TRHDE: variants seen among roughly 807,000 people sequenced by gnomAD.
TRHDE encodes the protein thyrotropin-releasing hormone-degrading ectoenzyme.
In TRHDE, 72 loss-of-function variants were observed where a neutral mutation model predicts 125.7. The ratio of observed to expected loss-of-function variants is 0.57; its 90% CI spans 0.47 to 0.70. TRHDE has a LOEUF of 0.70. Ranked by LOEUF, TRHDE falls within the 30% of genes least tolerant of loss-of-function variation. TRHDE has a pLI of 0.00. For synonymous variants in TRHDE, 509 were observed against 509.1 expected, an observed-to-expected ratio of 1.00 and a Z score of 0.00; for missense variants, 1,110 against 1,327.1, an observed-to-expected ratio of 0.84 and a Z score of 2.54.
chr12:72,405,942 C>G (rs1213708898), intron 3 of TRHDE, among the ~76,000 whole-genome samples: 1 of 152,144 alleles, frequency 6.6e-6, no homozygotes, highest in Non-Finnish European at 1.5e-5. Context: ...ACAGCATTAT[C>G]TCTGTCTCAT....
At chr12:72,316,561 G>T (rs1017929798) in intron 2 of TRHDE, among the ~76,000 whole-genome samples, 3 of 152,042 alleles carry the variant, frequency 2.0e-5, no homozygotes, top group Admixed American at 6.6e-5. Context: ...ACCTCATTCC[G>T]AAAGGAAAGT....
chr12:72,130,381 A>G (rs574387532), intron 2 of TRHDE, among the ~76,000 whole-genome samples: 1 of 152,338 alleles, frequency 6.6e-6, no homozygotes, highest in African/African-American at 2.4e-5. Flanking sequence ...TTGCCATATT[A>G]GATATGAAGA....
chr12:72,617,312 T>C (rs1177888423), intron 12 of TRHDE, among the ~76,000 whole-genome samples: 1 of 152,094 alleles, frequency 6.6e-6, no homozygotes, highest in African/African-American at 2.4e-5. Flanking sequence ...TTGTTTTAAT[T>C]AAAAGAAAAC....
At chr12:72,181,773 G>T (rs980081018) in intron 2 of TRHDE, among the ~76,000 whole-genome samples, 11 of 152,028 alleles carry the variant, frequency 7.2e-5, no homozygotes, top group African/African-American at 2.7e-4. Context: ...TAGCTGCTCT[G>T]CTTGCTATTG....
At chr12:72,603,746 A>G (rs1339252552) in intron 12 of TRHDE, among the ~76,000 whole-genome samples, 1 of 147,526 alleles carries the variant, frequency 6.8e-6, no homozygotes, top group African/African-American at 2.5e-5. Context: ...CAAAAAACAA[A>G]ACAAAACAAC....
rs560673610 is a variant in TRHDE at position 72,242,578 on chromosome 12, T to C, written n.280-135417T>C. Among the ~76,000 whole-genome samples the C allele has an allele frequency of 2.6e-5, 4 of 152,274 alleles. No individual in the cohort carries two copies. The East Asian group carries it at 7.7e-4, about 29-fold the overall frequency. On this transcript the variant is annotated intron_variant and non_coding_transcript_variant, in intron 2 of 4. Coordinates refer to the TRHDE transcript ENST00000548156. ...TGTTGCTGCCAGTAGACTCTCCTGC[T>C]TCTTGAGCGGGAAGTAGTGGGCTGC...
At chr12:72,614,032 G>T (rs899837728) in intron 12 of TRHDE, among the ~76,000 whole-genome samples, 1 of 151,968 alleles carries the variant, frequency 6.6e-6, no homozygotes, top group Admixed American at 6.6e-5. Flanking sequence ...GAGCAAGAGA[G>T]AGTGAGTCAG....
At chr12:72,290,151 A>G (rs140353373) in intron 2 of TRHDE, among the ~76,000 whole-genome samples, 2 of 152,344 alleles carry the variant, frequency 1.3e-5, no homozygotes, top group East Asian at 1.9e-4. Context: ...TGGAGGAGAT[A>G]GGATTCAGTA....
In TRHDE at chr12:72,158,498, A is replaced by C. The variant is rs562645469; in HGVS notation, n.279+52746A>C. On this transcript the variant is annotated intron_variant and non_coding_transcript_variant, in intron 2 of 4. Coordinates refer to the TRHDE transcript ENST00000548156. ...ATTCTCACCTTTTTATTGATTTATT[A>C]GTATTATTTTTATATTAGAAACAAT... Among the ~76,000 whole-genome samples the C allele has an allele frequency of 3.9e-5, 6 of 151,928 alleles. No homozygotes were observed. The South Asian group carries it at 1.0e-3, about 26-fold the overall frequency.
At chr12:72,643,159 G>A (rs774405271) in intron 15 of TRHDE, among the ~76,000 whole-genome samples, 9 of 152,088 alleles carry the variant, frequency 5.9e-5, no homozygotes, top group Non-Finnish European at 1.3e-4. Flanking sequence ...GAGAAGAGGT[G>A]CTATTTGTTC....
At chr12:72,288,142 T>C (rs1192775930) in intron 2 of TRHDE, among the ~76,000 whole-genome samples, 1 of 152,108 alleles carries the variant, frequency 6.6e-6, no homozygotes, top group Non-Finnish European at 1.5e-5. Context: ...TGTAGGAAAA[T>C]TCAGATTGTG....
At chr12:72,147,215 TG>T (rs1566246063) in intron 2 of TRHDE, among the ~76,000 whole-genome samples, 3 of 151,622 alleles carry the variant, frequency 2.0e-5, no homozygotes, top group East Asian at 1.9e-4. Context: ...TGCTTGAGGG[TG>T]GGGGGCCTTT....
chr12:72,636,154 G>T (rs1416355323), intron 15 of TRHDE, among the ~76,000 whole-genome samples: 11 of 152,016 alleles, frequency 7.2e-5, no homozygotes, highest in African/African-American at 2.2e-4. Flanking sequence ...GTTCTTCCAT[G>T]TGTTTGTATC....
At chr12:72,566,252 C>A (rs1049358864) in intron 9 of TRHDE, among the ~76,000 whole-genome samples, 1 of 151,652 alleles carries the variant, frequency 6.6e-6, no homozygotes, top group African/African-American at 2.4e-5. Flanking sequence ...TGTAGATTTT[C>A]GTTATGTGTG....
At chr12:72,284,950 G>A (rs1879826748) in intron 1 of TRHDE, among the ~76,000 whole-genome samples, 1 of 152,158 alleles carries the variant, frequency 6.6e-6, no homozygotes, top group Non-Finnish European at 1.5e-5. Flanking sequence ...GGGTCAGATA[G>A]TTAAGTTACT....
chr12:72,588,036 A>T (rs979213911), intron 12 of TRHDE, among the ~76,000 whole-genome samples: 1 of 152,170 alleles, frequency 6.6e-6, no homozygotes, highest in Non-Finnish European at 1.5e-5. Flanking sequence ...TGTTCCCCTT[A>T]TCCTGTACTG....
At chr12:72,471,148 G>A (rs1161258600) in intron 4 of TRHDE, among the ~76,000 whole-genome samples, 7 of 152,088 alleles carry the variant, frequency 4.6e-5, no homozygotes. Context: ...AAAGTGCTGG[G>A]ATTACAGGCG....
chr12:72,131,611 T>A (rs916518297), intron 2 of TRHDE, among the ~76,000 whole-genome samples: 2 of 152,214 alleles, frequency 1.3e-5, no homozygotes, highest in Non-Finnish European at 2.9e-5. Flanking sequence ...TTTTCAGTTG[T>A]GCTACAGTTA....
chr12:72,579,677 A>G (rs913606103), intron 12 of TRHDE, among the ~76,000 whole-genome samples: 2 of 152,068 alleles, frequency 1.3e-5, no homozygotes, highest in East Asian at 3.9e-4. Flanking sequence ...CCCTGTCTGA[A>G]GATTTTGAAA....
Sources: gnomAD v4.1 joint callset for allele counts (sites outside exome capture counted in the v4.1 genomes callset) on GRCh38, gnomAD v4.1.1 for gene constraint, MANE v1.5 for transcripts, NCBI Gene and HGNC (gene_info 2026-07-23, HGNC 2026-07-21) for gene names.